Variants in GPR143 observed in about 807,000 individuals in gnomAD.
GPR143 encodes G protein-coupled receptor 143.
GPR143 carries 8 observed loss-of-function variants against 27.6 expected under a neutral mutation model. The ratio of observed to expected loss-of-function variants is 0.29; its 90% CI spans 0.17 to 0.52. The LOEUF is 0.52. Among genes scored for constraint, GPR143 ranks in the 20% least tolerant of loss-of-function variants. The pLI is 0.96. For missense variants in GPR143, 303 were observed against 343.1 expected, an observed-to-expected ratio of 0.88 and a Z score of 0.92; for synonymous variants, 156 against 153.2, an observed-to-expected ratio of 1.02 and a Z score of -0.13.
chrX:9,763,637 C>T (rs1601890025), intron 1 of GPR143, among the ~76,000 whole-genome samples: 1 of 111,655 alleles, frequency 9.0e-6, no homozygotes, highest in South Asian at 3.8e-4. Context: ...GCCGGGTACC[C>T]GTACCTCACG....
At chrX:9,748,517 G>C in intron 4 of GPR143, 57 bp downstream of exon 4, 3 of 798,072 alleles carry the variant, frequency 3.8e-6, no homozygotes, top group Non-Finnish European at 5.8e-6. Flanking sequence ...TTCCCTGCAA[G>C]ACAACACATT....
chrX:9,778,015 T>C (rs886708754), intron 1 of GPR143, among the ~76,000 whole-genome samples: 7 of 109,993 alleles, frequency 6.4e-5, no homozygotes, highest in Non-Finnish European at 1.1e-4. Flanking sequence ...GGCATGAACC[T>C]GGGAGGCGGA....
At chrX:9,749,891 A>G (rs1449496340) in intron 3 of GPR143, among the ~76,000 whole-genome samples, 1 of 112,398 alleles carries the variant, frequency 8.9e-6, no homozygotes. Context: ...CAGCCTCCTG[A>G]GTAGCTGGGA....
At chrX:9,726,376 A>G (rs1290312728) in intron 8 of GPR143, among the ~76,000 whole-genome samples, 3 of 111,384 alleles carry the variant, frequency 2.7e-5, no homozygotes, top group Non-Finnish European at 5.6e-5. Context: ...GGACGATGCC[A>G]TATGGTTTCA....
rs938309610 is a variant in GPR143 at position 9,725,625 on chromosome X, G to A, written c.*121C>T. On this transcript the variant is annotated 3_prime_UTR_variant, in exon 9 of 9. Coordinates refer to ENST00000467482, the MANE Select transcript of GPR143 (RefSeq NM_000273.3). ...GAAGAAGCTCTAGCTGGTGATGAGA[G>A]CAAGGTTTGGGGGCCGCTACACTTC... The A allele has an allele frequency of 7.3e-6, 4 of 549,717 alleles. No homozygotes were observed. The Admixed American group carries it at 1.1e-4, about 15-fold the overall frequency. The allele number at this position is 549,717 out of a possible 1,213,427, so 45.3% of individuals were successfully genotyped here. A position where few individuals can be genotyped will look rare whatever the true frequency, so the allele number is the denominator to read the frequency against.
At chrX:9,748,706 C>T in intron 3 of GPR143, 40 bp from the exon 4 acceptor site, 3 of 952,531 alleles carry the variant, frequency 3.1e-6, no homozygotes, top group Non-Finnish European at 4.5e-6. Context: ...CTCAGTGGGG[C>T]ACAGAGGCCT....
chrX:9,733,940 C>T (rs1398474477), intron 8 of GPR143, among the ~76,000 whole-genome samples: 1 of 109,414 alleles, frequency 9.1e-6, no homozygotes, highest in Admixed American at 9.8e-5. Flanking sequence ...ATTAGCTGGG[C>T]GTAGTGGTGG....
At chrX:9,741,024 G>A (rs1229411258) in intron 7 of GPR143, 3 of 230,180 alleles carry the variant, frequency 1.3e-5, no homozygotes, top group Non-Finnish European at 2.3e-5. Flanking sequence ...TGCTCATCCT[G>A]TATTTAAATA....
intron 3 of GPR143, among the ~76,000 whole-genome samples, chrX:9,757,707 C>T (rs1406454323): frequency 2.7e-5 from 3 of 111,097 alleles, no homozygotes; most frequent in Non-Finnish European, 5.7e-5. Flanking sequence ...CACGAAAAAC[C>T]ACTGGATTTT....
chrX:9,739,741 A>T, intron 7 of GPR143, 22 bp from the exon 8 acceptor site: 1 of 1,002,765 alleles, frequency 1.0e-6, no homozygotes, highest in African/African-American at 1.9e-5. Context: ...ACAGAAAGAC[A>T]CATGGCAGTC....
chrX:9,765,829 G>C lies in GPR143; in HGVS notation c.-12C>G, dbSNP rs753538602. The C allele has an allele frequency of 8.3e-6, 9 of 1,081,020 alleles. No homozygotes were observed. Among genetic ancestry groups the C allele is most frequent in the Non-Finnish European group, 1.1e-5 (9 of 833,212 alleles). The allele number at this position is 1,081,020 out of a possible 1,213,427, so 89.1% of individuals were successfully genotyped here. A position where few individuals can be genotyped will look rare whatever the true frequency, so the allele number is the denominator to read the frequency against. On this transcript the variant is annotated 5_prime_UTR_variant, in exon 1 of 9. Coordinates refer to ENST00000467482, the MANE Select transcript of GPR143 (RefSeq NM_000273.3). Reference sequence around the variant, plus strand: ...CGCGGGGAGGCCATGGGCTGTGTTCGCGGACGCGGCTCGGGTGTGCCAGGA... The same window carrying C: ...CGCGGGGAGGCCATGGGCTGTGTTCCCGGACGCGGCTCGGGTGTGCCAGGA...
At chrX:9,751,985 C>T (rs1480867420) in intron 3 of GPR143, among the ~76,000 whole-genome samples, 2 of 112,606 alleles carry the variant, frequency 1.8e-5, no homozygotes, top group Admixed American at 1.9e-4. Flanking sequence ...GGGGCCAGCC[C>T]CAGAGGCCAT....
At chrX:9,753,684 G>C (rs909710402) in intron 3 of GPR143, among the ~76,000 whole-genome samples, 1 of 111,395 alleles carries the variant, frequency 9.0e-6, no homozygotes, top group African/African-American at 3.3e-5. Flanking sequence ...GCCCCCCAGC[G>C]AGAGAGGCCT....
At chrX:9,765,966 G>C (rs958005291), upstream of GPR143, 9 of 523,988 alleles carry the variant, frequency 1.7e-5, no homozygotes, top group Non-Finnish European at 2.4e-5. Flanking sequence ...AGGCTCGGTG[G>C]GGGCCGAGAG....
intron 1 of GPR143, among the ~76,000 whole-genome samples, chrX:9,778,017 G>C (rs1201721705): frequency 9.0e-6 from 1 of 110,866 alleles, no homozygotes; most frequent in African/African-American, 3.3e-5. Flanking sequence ...CATGAACCTG[G>C]GAGGCGGAGC....
intron 8 of GPR143, among the ~76,000 whole-genome samples, chrX:9,726,245 GTAAC>G (rs1267277157): frequency 3.6e-5 from 4 of 111,151 alleles, no homozygotes; most frequent in African/African-American, 1.3e-4. Context: ...ACTGAGGATG[GTAAC>G]TAACACAACA....
rs749941339 is a variant in GPR143, at chrX:9,725,597, C to T, written c.*149G>A. 27 of 477,625 alleles carry T rather than the reference C, an allele frequency of 5.7e-5. No homozygotes were observed. The highest frequency in any genetic ancestry group is 4.1e-4 in the Middle Eastern group (1 of 2,455). 39.4% of individuals were successfully genotyped at this position (477,625 alleles called of 1,213,427 possible). A position where few individuals can be genotyped will look rare whatever the true frequency, so the allele number is the denominator to read the frequency against. Reference sequence around the variant, plus strand: ...CCTTTCTCCTATCCTAAAGGCCCTTCGGGAAGAAGCTCTAGCTGGTGATGA... The same window carrying T: ...CCTTTCTCCTATCCTAAAGGCCCTTTGGGAAGAAGCTCTAGCTGGTGATGA... On this transcript the variant is annotated 3_prime_UTR_variant, in exon 9 of 9. Transcript: ENST00000467482.
intron 8 of GPR143, among the ~76,000 whole-genome samples, chrX:9,730,405 C>G (rs1013626786): frequency 2.8e-5 from 3 of 106,091 alleles, no homozygotes; most frequent in Admixed American, 1.1e-4. Context: ...AGGGTATTTT[C>G]TCTTCCACAC....
upstream of GPR143, among the ~76,000 whole-genome samples, chrX:9,769,641 G>A (rs1352166866): frequency 9.0e-6 from 1 of 111,630 alleles, no homozygotes; most frequent in Non-Finnish European, 1.9e-5. Context: ...GAGTGCAGTG[G>A]TGCGATCTCA....
Sources: gnomAD v4.1 joint callset for allele counts (sites outside exome capture counted in the v4.1 genomes callset) on GRCh38, gnomAD v4.1.1 for gene constraint, MANE v1.5 for transcripts, NCBI Gene and HGNC (gene_info 2026-07-23, HGNC 2026-07-21) for gene names.